RALYL: variants seen among roughly 807,000 people sequenced by gnomAD.
RALYL encodes RNA-binding Raly-like protein.
A neutral mutation model predicts 35.1 loss-of-function variants in RALYL; 29 were observed. The observed-to-expected ratio is 0.83, with a 90% confidence interval of 0.61 to 1.13. The LOEUF is 1.13. RALYL is among the 50% of genes most tolerant of loss of function. RALYL has a pLI of 0.00. For missense variants in RALYL, 359 were observed against 360.4 expected (o/e 1.00, Z 0.03); for synonymous variants, 120 against 127.6 (o/e 0.94, Z 0.40).
At chr8:84,203,133 T>C (rs1174709335) in intron 1 of RALYL, among the ~76,000 whole-genome samples, 2 of 152,166 alleles carry the variant, frequency 1.3e-5, no homozygotes, top group Non-Finnish European at 1.5e-5. Context: ...GGTTTCTTAC[T>C]TACCATAAGG....
chr8:84,634,667 G>A (rs1824644933), intron 2 of RALYL, among the ~76,000 whole-genome samples: 1 of 151,684 alleles, frequency 6.6e-6, no homozygotes, highest in Admixed American at 6.6e-5. Flanking sequence ...AATATTCTAG[G>A]ATTAAAGTTT....
intron 1 of RALYL, among the ~76,000 whole-genome samples, chr8:84,304,381 G>A (rs1353364256): frequency 6.6e-6 from 1 of 151,982 alleles, no homozygotes; most frequent in Admixed American, 6.6e-5. Context: ...CCTCCCTAAA[G>A]GTTTATTTTT....
chr8:84,728,698 G>A (rs909064398), intron 2 of RALYL, among the ~76,000 whole-genome samples: 123 of 152,200 alleles, frequency 8.1e-4, no homozygotes, highest in Middle Eastern at 3.4e-3. Flanking sequence ...CATATGGCTA[G>A]CCAGTTTTCC....
chr8:84,319,470 C>A (rs1400010351), intron 1 of RALYL, among the ~76,000 whole-genome samples: 1 of 152,066 alleles, frequency 6.6e-6, no homozygotes, highest in Non-Finnish European at 1.5e-5. Flanking sequence ...TCATAACCTT[C>A]TCTCCTATCA....
At chr8:84,771,074 A>G (rs1439776650) in intron 2 of RALYL, among the ~76,000 whole-genome samples, 1 of 151,732 alleles carries the variant, frequency 6.6e-6, no homozygotes, top group Non-Finnish European at 1.5e-5. Flanking sequence ...TTTTCTTTTT[A>G]TACAATATAT....
At chr8:84,536,877 A>G (rs2059646304) in intron 2 of RALYL, among the ~76,000 whole-genome samples, 1 of 152,220 alleles carries the variant, frequency 6.6e-6, no homozygotes, top group Non-Finnish European at 1.5e-5. Flanking sequence ...CAATAAGCAT[A>G]CAAAAATATT....
At chr8:84,785,778 T>C (rs1382326335) in intron 3 of RALYL, among the ~76,000 whole-genome samples, 1 of 152,220 alleles carries the variant, frequency 6.6e-6, no homozygotes, top group African/African-American at 2.4e-5. Context: ...AGATGAAATG[T>C]TCACAAAGTG....
At chr8:84,828,967 C>T (rs1337623216) in intron 4 of RALYL, 3 of 151,954 alleles carry the variant, frequency 2.0e-5, no homozygotes, top group Non-Finnish European at 2.9e-5. Flanking sequence ...AAAAAAAAAC[C>T]CTAGGTTAGT....
intron 1 of RALYL, among the ~76,000 whole-genome samples, chr8:84,218,292 C>T (rs925163605): frequency 2.0e-5 from 3 of 152,028 alleles, no homozygotes; most frequent in Admixed American, 1.3e-4. Context: ...GGGCCAGTTA[C>T]ACTATCCCAG....
chr8:84,666,582 C>CA (rs1241100484), intron 2 of RALYL, among the ~76,000 whole-genome samples: 1 of 152,010 alleles, frequency 6.6e-6, no homozygotes, highest in Admixed American at 6.6e-5. Context: ...GGGTTCCACT[C>CA]AAAATCAAAT....
At chr8:84,900,442 C>T (rs1222520081) in intron 8 of RALYL, among the ~76,000 whole-genome samples, 1 of 152,020 alleles carries the variant, frequency 6.6e-6, no homozygotes, top group Non-Finnish European at 1.5e-5. Context: ...TTTGGAAGGC[C>T]GAGGCAGGCA....
chr8:84,553,561 C>T (rs576948658), intron 2 of RALYL, among the ~76,000 whole-genome samples: 63 of 152,220 alleles, frequency 4.1e-4, no homozygotes, highest in African/African-American at 1.4e-3. Context: ...TCACAACATC[C>T]CTCAAACGAG....
intron 2 of RALYL, among the ~76,000 whole-genome samples, chr8:84,621,045 T>C (rs1821268081): frequency 6.6e-6 from 1 of 152,204 alleles, no homozygotes; most frequent in Non-Finnish European, 1.5e-5. Context: ...TGCTGTCTTT[T>C]TGTTTGTGCC....
intron 1 of RALYL, among the ~76,000 whole-genome samples, chr8:84,502,148 TTCAG>T (rs1388450715): frequency 1.3e-5 from 2 of 151,990 alleles, no homozygotes. Context: ...TTGAAAGAAT[TTCAG>T]TAAGAAGAAT....
chr8:84,680,373 G>C (rs1835182751), intron 2 of RALYL, among the ~76,000 whole-genome samples: 1 of 152,214 alleles, frequency 6.6e-6, no homozygotes, highest in South Asian at 2.1e-4. Flanking sequence ...CCAGTAATGG[G>C]ATGGCTGGGT....
intron 2 of RALYL, among the ~76,000 whole-genome samples, chr8:84,538,890 ATTATAAGGT>A (rs2059803894): frequency 6.6e-6 from 1 of 152,218 alleles, no homozygotes; most frequent in Admixed American, 6.5e-5. Context: ...AATAAAAAGT[ATTATAAGGT>A]TGTTTGGAAA....
At chr8:84,617,085 G>T (rs941364022) in intron 2 of RALYL, among the ~76,000 whole-genome samples, 5 of 150,258 alleles carry the variant, frequency 3.3e-5, no homozygotes, top group Non-Finnish European at 7.4e-5. Flanking sequence ...GCTCTTTTTT[G>T]GTTCCATATG....
rs1554614840 is a variant in RALYL, at chr8:84,311,090, A to AAAAAAAATAT, written c.-24+126667_-24+126668insAAAAAATATA. On this transcript the variant is annotated intron_variant, in intron 1 of 8. Coordinates refer to ENST00000521268, the MANE Select transcript of RALYL (RefSeq NM_173848.7). ...AAAAAAAAAAAAAAAAAAAAAAAAA[A>AAAAAAAATAT]ATGTATATTAATGTATAGTATAAAT... 7.0e-4 allele frequency among the ~76,000 whole-genome samples: 70 copies of AAAAAAAATAT among 99,762 alleles called. 2 individuals are homozygous for AAAAAAAATAT. Among genetic ancestry groups the AAAAAAAATAT allele is most frequent in the African/African-American group, 1.1e-3 (32 of 28,000 alleles). 65.4% of individuals were successfully genotyped at this position (99,762 alleles called of 152,430 possible).
chr8:84,843,132 G>A (rs1204787519), intron 4 of RALYL, among the ~76,000 whole-genome samples: 7 of 152,200 alleles, frequency 4.6e-5, no homozygotes, highest in Non-Finnish European at 1.0e-4. Flanking sequence ...TCAGGCAAGA[G>A]AAGGAAATAA....
Sources: gnomAD v4.1 joint callset for allele counts (sites outside exome capture counted in the v4.1 genomes callset) on GRCh38, gnomAD v4.1.1 for gene constraint, MANE v1.5 for transcripts, NCBI Gene and HGNC (gene_info 2026-07-23, HGNC 2026-07-21) for gene names.